CHRNA2: variants seen among roughly 807,000 people sequenced by gnomAD.
CHRNA2 encodes cholinergic receptor nicotinic alpha 2 subunit, also known as neuronal acetylcholine receptor subunit alpha-2.
In CHRNA2, 40 loss-of-function variants were observed where a neutral mutation model predicts 45.5. The ratio of observed to expected loss-of-function variants is 0.88; its 90% CI spans 0.68 to 1.15. The LOEUF (loss-of-function observed/expected upper bound fraction) is 1.15. CHRNA2 is among the 50% of genes most tolerant of loss of function. CHRNA2 has a pLI of 0.00. For synonymous variants in CHRNA2, 301 were observed against 296.7 expected (o/e 1.01, Z -0.15); for missense variants, 655 against 701.7 (o/e 0.93, Z 0.75).
At chr8:27,469,100 G>T (rs1002337055) in intron 4 of CHRNA2, among the ~76,000 whole-genome samples, 1 of 152,196 alleles carries the variant, frequency 6.6e-6, no homozygotes, top group African/African-American at 2.4e-5. Context: ...GCACCACTTG[G>T]CTTTCTAGTG....
At position 27,463,322 on chromosome 8, in the gene CHRNA2, A is replaced by C; in HGVS notation, c.1121T>G (p.Val374Gly). The change falls in exon 6 of 7, where the codon GTG becomes GGG. Residue 374 changes from valine (V) to glycine (G), a missense_variant. Coordinates refer to ENST00000407991, the MANE Select transcript of CHRNA2 (RefSeq NM_000742.4). This position sits in a 1 kb window ranked among gnomAD's most constrained non-coding sequence, Gnocchi z 6.1. ...HWVRGALLGC[V>G]PRWLLMNRPP... The stretch of plus-strand genomic sequence containing the variant: ...CCGGTTCATCAGAAGCCACCGGGGC[A>C]CACAGCCCAGAAGGGCCCCCCGCAC... 6.2e-7 allele frequency: 1 copy of C among 1,612,866 alleles called. No individual in the cohort carries two copies. The highest frequency in any genetic ancestry group is 8.5e-7 in the Non-Finnish European group (1 of 1,179,154).
rs774054592 is a variant in CHRNA2, at chr8:27,463,569, C to T, written c.874G>A (p.Asp292Asn). ...CACAGCGTGATCTTCTCGCCGCAGTCGGAGGGCAGGTAGAAGACCAGCACA... is the reference window on the plus strand; with the variant it reads ...CACAGCGTGATCTTCTCGCCGCAGTTGGAGGGCAGGTAGAAGACCAGCACA... ...LTVLVFYLPS[D>N]CGEKITLCIS... The change falls in exon 6 of 7, where the codon GAC (aspartate) becomes AAC (asparagine). Residue 292 changes from aspartate to asparagine, a missense_variant. Asp to Asn is a conservative substitution (Grantham distance 23, BLOSUM62 1). Transcript: ENST00000407991. This position sits in a 1 kb window ranked among gnomAD's most constrained non-coding sequence, Gnocchi z 6.1. 7 of 1,614,162 alleles carry T rather than the reference C, an allele frequency of 4.3e-6. No individual in the cohort carries two copies. Among genetic ancestry groups the T allele is most frequent in the South Asian group, 1.1e-5 (1 of 91,068 alleles).
chr8:27,474,482 G>T (rs1333475186), intron 1 of CHRNA2, among the ~76,000 whole-genome samples: 1 of 152,168 alleles, frequency 6.6e-6, no homozygotes, highest in Non-Finnish European at 1.5e-5. Context: ...GCTCTTAGAG[G>T]TTCCCGGTTC....
At chr8:27,470,864 G>A (rs2132669981) in intron 2 of CHRNA2, 122 bp downstream of exon 2, 14 of 968,950 alleles carry the variant, frequency 1.4e-5, no homozygotes, top group Non-Finnish European at 2.3e-5. Context: ...CCTGGCTGAT[G>A]GCCTCTGAAG....
intron 1 of CHRNA2, among the ~76,000 whole-genome samples, chr8:27,477,751 G>A (rs975093696): frequency 6.6e-6 from 1 of 152,174 alleles, no homozygotes; most frequent in African/African-American, 2.4e-5. Context: ...TGGCAGATTT[G>A]GGGAAGGGGA....
In CHRNA2 at chr8:27,463,247, G is replaced by A. The variant is rs1812565669; in HGVS notation, c.1196C>T (p.Pro399Leu). The change falls in exon 6 of 7, where the codon CCC becomes CTC. Residue 399 changes from proline (P) to leucine (L), a missense_variant. Pro to Leu is a moderately conservative substitution (Grantham distance 98). Transcript: ENST00000407991. This position sits in a 1 kb window ranked among gnomAD's most constrained non-coding sequence, Gnocchi z 6.1. ...GTTGCTCTCCAGCCAGTGATAAGAG[G>A]GGCTGAGCTTCAGGCGTAGGGGGTG... ...LCHPLRLKLS[P>L]SYHWLESNVD... is the part of the protein sequence containing the mutation. 3 of 1,597,822 alleles carry A rather than the reference G, an allele frequency of 1.9e-6. No individual in the cohort carries two copies. The highest frequency in any genetic ancestry group is 2.6e-6 in the Non-Finnish European group (3 of 1,169,728).
chr8:27,472,146 C>T (rs76681463), intron 1 of CHRNA2, among the ~76,000 whole-genome samples: 340 of 152,300 alleles, frequency 2.2e-3, no homozygotes, highest in African/African-American at 7.5e-3. Context: ...CCAAACCTTG[C>T]CGTATGCATC....
Position 27,463,826 on chromosome 8 carries a change from TAAGTCCAGGAGCCA to T in CHRNA2, c.603_616del (p.Phe201LeufsTer2). 2.5e-6 allele frequency: 4 copies of T among 1,614,146 alleles called. No individual in the cohort carries two copies. The highest frequency in any genetic ancestry group is 3.4e-6 in the Non-Finnish European group (4 of 1,180,008). ...CTCCAGGTCGATCTTGGCCTTGTCA[TAAGTCCAGGAGCCA>T]AACTTCATCTTGCAGTTCTGCTGGT... is the stretch of plus-strand genomic sequence containing the variant. On this transcript the variant is annotated frameshift_variant, in exon 6 of 7. Transcript: ENST00000407991. LOFTEE classifies it high-confidence loss of function. The surrounding 1 kb of genome is among the most constrained non-coding windows in gnomAD (Gnocchi z 6.1).
At chr8:27,470,710 A>G (rs1812853798) in intron 2 of CHRNA2, among the ~76,000 whole-genome samples, 1 of 152,232 alleles carries the variant, frequency 6.6e-6, no homozygotes, top group African/African-American at 2.4e-5. Flanking sequence ...ACTTGCGTTT[A>G]ATCCTCACAA....
Position 27,463,083 on chromosome 8 carries a change from G to C in CHRNA2, c.1360C>G (p.Leu454Val). The change falls in exon 6 of 7, where the codon CTG (leucine) becomes GTG (valine). Residue 454 changes from leucine (L) to valine (V), a missense_variant. This residue lies in a region of CHRNA2 where 295 missense variants were observed against 280.4 expected (regional missense o/e 1.05). Coordinates refer to ENST00000407991, the MANE Select transcript of CHRNA2 (RefSeq NM_000742.4). This position sits in a 1 kb window ranked among gnomAD's most constrained non-coding sequence, Gnocchi z 6.1. ...AGCAGCAGCTCACCCTCCTGCAGCA[G>C]AGCCTCAGCCTTGGGACCTGAGGCC... ...SGASGPKAEALLQEGELLLSP... is the reference protein window; with the variant it reads ...SGASGPKAEAVLQEGELLLSP... The C allele has an allele frequency of 6.2e-7, 1 of 1,612,912 alleles. No homozygotes were observed. The highest frequency in any genetic ancestry group is 8.5e-7 in the Non-Finnish European group (1 of 1,178,968).
At position 27,461,354 on chromosome 8, in the gene CHRNA2, C is replaced by T. The variant is rs569975109; in HGVS notation, c.*275G>A. 14 of 489,456 alleles carry T rather than the reference C, an allele frequency of 2.9e-5. No individual in the cohort carries two copies. The East Asian group carries it at 4.5e-4, about 16-fold the overall frequency. 30.3% of individuals were successfully genotyped at this position (489,456 alleles called of 1,614,324 possible). ...GTCTGCACTGCTCCTCCAGGAGAATCTTACTCTGCCCCACTTGGTCACCAC... is the reference window on the plus strand; with the variant it reads ...GTCTGCACTGCTCCTCCAGGAGAATTTTACTCTGCCCCACTTGGTCACCAC... On this transcript the variant is annotated 3_prime_UTR_variant, in exon 7 of 7. Coordinates refer to ENST00000407991, the MANE Select transcript of CHRNA2 (RefSeq NM_000742.4).
chr8:27,464,007 A>G lies in CHRNA2; in HGVS notation c.450-14T>C, dbSNP rs1229920746. ...TCCCCATCTGCACTGAGAAGAGGAG[A>G]GGAGCTGGGGAGACCCCTGCACACC... On this transcript the variant is annotated splice_polypyrimidine_tract_variant and intron_variant, in intron 5 of 6. Transcript: ENST00000407991. 1.1e-5 allele frequency: 17 copies of G among 1,613,846 alleles called. No individual in the cohort carries two copies. The Middle Eastern group carries it at 1.0e-3, about 96-fold the overall frequency.
chr8:27,467,097 G>T, intron 5 of CHRNA2, 132 bp downstream of exon 5: 1 of 704,516 alleles, frequency 1.4e-6, no homozygotes. Flanking sequence ...AGAGGTAGGG[G>T]AGGCATGCTC....
Position 27,467,288 on chromosome 8 carries a change from G to A in CHRNA2, c.390C>T (p.Ile130=). ...LRWNPTDFGN[I]TSLRVPSEMI... ...TCTCAGAAGGGACCCTGAGAGATGT[G>A]ATGTTGCCAAAATCAGTGGGGTTCC... Residue 130 remains isoleucine, a synonymous_variant, in exon 5 of 7, where the codon ATC becomes ATT. Coordinates refer to ENST00000407991, the MANE Select transcript of CHRNA2 (RefSeq NM_000742.4). The A allele has an allele frequency of 1.2e-6, 2 of 1,614,110 alleles. No homozygotes were observed. Among genetic ancestry groups the A allele is most frequent in the Non-Finnish European group, 8.5e-7 (1 of 1,179,940 alleles).
In CHRNA2 at chr8:27,461,519, G is replaced by A. The variant is rs560295005; in HGVS notation, c.*110C>T. ...ATCCCTGGGTCAGTGTCCAGACTCCGCGGAGAGGCACCTGCTCATCCCAAA... is the reference window on the plus strand; with the variant it reads ...ATCCCTGGGTCAGTGTCCAGACTCCACGGAGAGGCACCTGCTCATCCCAAA... On this transcript the variant is annotated 3_prime_UTR_variant, in exon 7 of 7. Transcript: ENST00000407991. 1.2e-5 allele frequency: 18 copies of A among 1,480,512 alleles called. No individual in the cohort carries two copies. The highest frequency in any genetic ancestry group is 5.5e-5 in the African/African-American group (4 of 72,456). The allele number at this position is 1,480,512 out of a possible 1,614,324, so 91.7% of individuals were successfully genotyped here.
At chr8:27,476,279 G>C (rs546371809) in intron 1 of CHRNA2, among the ~76,000 whole-genome samples, 1 of 152,278 alleles carries the variant, frequency 6.6e-6, no homozygotes, top group South Asian at 2.1e-4. Context: ...TCATCCACTC[G>C]TCCACCCCTA....
chr8:27,469,554 A>G lies in CHRNA2; in HGVS notation c.295-175T>C, dbSNP rs1812803640. The G allele has an allele frequency of 6.9e-6, 6 of 866,984 alleles. No individual in the cohort carries two copies. In the Admixed American group the frequency reaches 8.0e-5, roughly 12 times the overall value. 53.7% of individuals were successfully genotyped at this position (866,984 alleles called of 1,614,324 possible). ...TCAGATTCTCCAGGGTCACACAGGC[A>G]CTGCTGCCAATCAATGCCCTCCTAG... On this transcript the variant is annotated intron_variant, in intron 3 of 6. Coordinates refer to ENST00000407991, the MANE Select transcript of CHRNA2 (RefSeq NM_000742.4).
chr8:27,463,932 C>G lies in CHRNA2; in HGVS notation c.511G>C (p.Val171Leu). 6.2e-7 allele frequency: 1 copy of G among 1,614,152 alleles called. No individual in the cohort carries two copies. Among genetic ancestry groups the G allele is most frequent in the Non-Finnish European group, 8.5e-7 (1 of 1,180,020 alleles). ...TAGATGGCCGGGGGCACCCAGTGCA[C>G]AGTGCCCGTGGAGAAGAGGTGGGCC... ...TKAHLFSTGT[V>L]HWVPPAIYKS... Residue 171 changes from valine (V) to leucine (L), a missense_variant, in exon 6 of 7, where the codon GTG (valine) becomes CTG (leucine). Transcript: ENST00000407991. The surrounding 1 kb of genome is among the most constrained non-coding windows in gnomAD (Gnocchi z 6.1).
intron 1 of CHRNA2, among the ~76,000 whole-genome samples, chr8:27,476,861 C>T (rs78690035): frequency 0.016 from 2,443 of 152,194 alleles, 67 homozygotes; most frequent in African/African-American, 0.056. Context: ...ATTCCTAAAA[C>T]GTCTTCCTAA....
Sources: allele counts gnomAD v4.1 joint callset (sites outside exome capture counted in the v4.1 genomes callset), GRCh38; gene constraint gnomAD v4.1.1; regional missense constraint gnomAD v4.1.1; non-coding constraint Gnocchi (gnomAD v3.1); transcripts MANE v1.5; gene names NCBI Gene and HGNC (gene_info 2026-07-23, HGNC 2026-07-21).